The following NR2F6 variants were observed in gnomAD, a reference collection of about 807,000 sequenced individuals.
NR2F6 encodes nuclear receptor subfamily 2 group F member 6, also known as ERBA-related gene-2.
Under a neutral mutation model 26.5 loss-of-function variants are expected in NR2F6, and 16 were observed. The ratio of observed to expected loss-of-function variants is 0.60; its 90% confidence interval spans 0.41 to 0.92. NR2F6 has a LOEUF of 0.92. Ranked by LOEUF, NR2F6 falls within the 40% of genes least tolerant of loss-of-function variation. NR2F6 has a pLI of 0.00. For synonymous variants in NR2F6, 325 were observed against 305.0 expected, an observed-to-expected ratio of 1.07 and a Z score of -0.68; for missense variants, 536 against 631.7, an observed-to-expected ratio of 0.85 and a Z score of 1.62.
Position 17,235,739 on chromosome 19 carries a change from G to A in NR2F6, c.700C>T (p.Leu234=). 1 of 1,501,108 alleles carries A rather than the reference G, an allele frequency of 6.7e-7. No homozygotes were observed. The highest frequency in any genetic ancestry group is 8.8e-7 in the Non-Finnish European group (1 of 1,133,672). The allele number at this position is 1,501,108 out of a possible 1,614,324, so 93.0% of individuals were successfully genotyped here. A position where few individuals can be genotyped will look rare whatever the true frequency, so the allele number is the denominator to read the frequency against. The part of the protein sequence containing the change: ...PELPVADQVA[L]LRLSWSELFV... ...AGCTCGCTCCAGCTCAGGCGCAGCA[G>A]CGCCACCTGGTCGGCCACCGGCAGC... The change falls in exon 3 of 4, where the codon CTG becomes TTG. Residue 234 remains leucine (L), a synonymous_variant. Transcript: ENST00000291442. This position sits in a 1 kb window ranked among gnomAD's most constrained non-coding sequence, Gnocchi z 5.0.
chr19:17,239,182 C>T (rs2073455697), intron 2 of NR2F6, among the ~76,000 whole-genome samples: 1 of 150,908 alleles, frequency 6.6e-6, no homozygotes, highest in African/African-American at 2.4e-5. Context: ...ATTAAAAATA[C>T]AAAAATTAGC....
chr19:17,234,177 C>T (rs1051513811), intron 3 of NR2F6, among the ~76,000 whole-genome samples: 2 of 149,404 alleles, frequency 1.3e-5, no homozygotes, highest in African/African-American at 2.5e-5. Flanking sequence ...GAGCCGAGAT[C>T]GTGCTACTGC....
chr19:17,243,077 C>G lies in NR2F6; in HGVS notation c.278+1866G>C, dbSNP rs368619837. Among the ~76,000 whole-genome samples the G allele has an allele frequency of 6.6e-5, 10 of 152,214 alleles. No homozygotes were observed. The East Asian group carries it at 1.3e-3, about 21-fold the overall frequency. On this transcript the variant is annotated intron_variant, in intron 1 of 3. Transcript: ENST00000291442. ...TCCCCCTCTTACAGCACAGCTCCCCCAGTCTGCCACTAAGTGTTTTGTCTG... is the reference window on the plus strand; with the variant it reads ...TCCCCCTCTTACAGCACAGCTCCCCGAGTCTGCCACTAAGTGTTTTGTCTG...
Position 17,235,642 on chromosome 19 carries a change from T to C in NR2F6, c.797A>G (p.His266Arg). The C allele has an allele frequency of 6.5e-7, 1 of 1,533,904 alleles. No homozygotes were observed. The highest frequency in any genetic ancestry group is 8.7e-7 in the Non-Finnish European group (1 of 1,148,294). Residue 266 changes from histidine to arginine, a missense_variant, in exon 3 of 4, where the codon CAC becomes CGC. By Grantham distance (29) the His-to-Arg change is conservative. Transcript: ENST00000291442. This position sits in a 1 kb window ranked among gnomAD's most constrained non-coding sequence, Gnocchi z 5.0. ...TAPLLAAAGL[H>R]AAPMAAERAV... ...GCGCTCGGCGGCCATAGGCGCGGCG[T>C]GGAGGCCGGCGGCGGCCAGTAGCGG...
intron 1 of NR2F6, among the ~76,000 whole-genome samples, chr19:17,242,953 T>G (rs916846256): frequency 6.6e-6 from 1 of 152,190 alleles, no homozygotes; most frequent in African/African-American, 2.4e-5. Context: ...TCCAATTTGA[T>G]CAGAGCCCTC....
At chr19:17,237,471 G>A (rs2073445798) in intron 2 of NR2F6, among the ~76,000 whole-genome samples, 1 of 151,422 alleles carries the variant, frequency 6.6e-6, no homozygotes, top group East Asian at 1.9e-4. Context: ...GAGTGCAGTG[G>A]CACAATCTCA....
At chr19:17,238,748 T>G (rs2073452686) in intron 2 of NR2F6, among the ~76,000 whole-genome samples, 1 of 152,016 alleles carries the variant, frequency 6.6e-6, no homozygotes, top group African/African-American at 2.4e-5. Flanking sequence ...TCTCTCAGCT[T>G]CTCCCACCAA....
chr19:17,244,747 C>G (rs1247688366), intron 1 of NR2F6, among the ~76,000 whole-genome samples, 196 bp downstream of exon 1: 3 of 152,346 alleles, frequency 2.0e-5, no homozygotes, highest in South Asian at 4.1e-4. Context: ...GGGGGGGAAC[C>G]TGCAACGATG....
chr19:17,232,378 T>A lies in NR2F6; in HGVS notation c.1189A>T (p.Asn397Tyr), dbSNP rs199676791. The A allele has an allele frequency of 2.2e-5, 35 of 1,613,824 alleles. No individual in the cohort carries two copies. Among genetic ancestry groups the A allele is most frequent in the Non-Finnish European group, 2.8e-5 (33 of 1,180,012 alleles). ...CACTGGCCCGAGCCGTAGGGCCAGT[T>A]GAAGGTACTCCCCGACAGCAGCATG... ...RDMLLSGSTF[N>Y]WPYGSGQ The change falls in exon 4 of 4, where the codon AAC (asparagine) becomes TAC (tyrosine). Residue 397 changes from asparagine (N) to tyrosine (Y), a missense_variant. Transcript: ENST00000291442.
At position 17,235,800 on chromosome 19, in the gene NR2F6, G is replaced by T; in HGVS notation, c.639C>A (p.Thr213=). Residue 213 remains threonine, a synonymous_variant, in exon 3 of 4, where the codon ACC becomes ACA. Coordinates refer to ENST00000291442, the MANE Select transcript of NR2F6 (RefSeq NM_005234.4). This position sits in a 1 kb window ranked among gnomAD's most constrained non-coding sequence, Gnocchi z 5.0. The stretch of plus-strand genomic sequence containing the variant: ...AGGGCGCGTGGCGCGCCCACTCCAC[G>T]GTGCTGAAGAGCAGCCGCGCCGCCA... The part of the protein sequence containing the change: ...CELAARLLFS[T]VEWARHAPFF... 1 of 1,480,338 alleles carries T rather than the reference G, an allele frequency of 6.8e-7. No individual in the cohort carries two copies. Among genetic ancestry groups the T allele is most frequent in the South Asian group, 1.3e-5 (1 of 78,418 alleles). The allele number at this position is 1,480,338 out of a possible 1,614,324, so 91.7% of individuals were successfully genotyped here. A position where few individuals can be genotyped will look rare whatever the true frequency, so the allele number is the denominator to read the frequency against.
rs1359947308 is a variant in NR2F6 at position 17,232,504 on chromosome 19, G to A, written c.1063C>T (p.Leu355=). The A allele has an allele frequency of 1.2e-6, 2 of 1,611,710 alleles. No homozygotes were observed. The highest frequency in any genetic ancestry group is 1.1e-5 in the South Asian group (1 of 90,946). The change falls in exon 4 of 4, where the codon CTG becomes TTG. Residue 355 remains leucine (L), a synonymous_variant. Transcript: ENST00000291442. ...ACCGCGCGCAGGGCGGGGAGCCGCA[G>A]CAGCAGGCGCCCGAAGCGCTGGGGC... is the stretch of plus-strand genomic sequence containing the variant. The part of the protein sequence containing the change: ...SQPQRFGRLL[L]RLPALRAVPA...
chr19:17,235,494 C>T lies in NR2F6; in HGVS notation c.940+5G>A. 1 of 1,580,772 alleles carries T rather than the reference C, an allele frequency of 6.3e-7. No homozygotes were observed. Among genetic ancestry groups the T allele is most frequent in the Non-Finnish European group, 8.5e-7 (1 of 1,169,910 alleles). ...TCCCGCGGCCCTCTTCGGAGCGTGG[C>T]TCACCGGGCGTGAAGAGCGCGATGG... is the stretch of plus-strand genomic sequence containing the variant. On this transcript the variant is annotated splice_donor_5th_base_variant and intron_variant, in intron 3 of 3. Coordinates refer to ENST00000291442, the MANE Select transcript of NR2F6 (RefSeq NM_005234.4). This position sits in a 1 kb window ranked among gnomAD's most constrained non-coding sequence, Gnocchi z 5.0.
intron 3 of NR2F6, 94 bp from the exon 4 acceptor site, chr19:17,232,720 T>A: frequency 7.1e-7 from 1 of 1,414,286 alleles, no homozygotes; most frequent in Non-Finnish European, 9.4e-7. Context: ...CCACTGTGGG[T>A]AAGAACAGGG....
chr19:17,242,700 G>A (rs950196667), intron 1 of NR2F6, among the ~76,000 whole-genome samples: 3 of 152,218 alleles, frequency 2.0e-5, no homozygotes, highest in South Asian at 2.1e-4. Context: ...GGGCAGCCGG[G>A]TGGAAACGGC....
chr19:17,244,523 C>G (rs962497067), intron 1 of NR2F6: 2 of 184,172 alleles, frequency 1.1e-5, no homozygotes, highest in African/African-American at 4.8e-5. Context: ...GGCCCCTGGA[C>G]GCTGCGAGCT....
intron 3 of NR2F6, among the ~76,000 whole-genome samples, chr19:17,233,244 G>A (rs1201377472): frequency 1.3e-5 from 2 of 151,564 alleles, no homozygotes; most frequent in Non-Finnish European, 2.9e-5. Context: ...TTGAGCCTAG[G>A]AGTTTGAGGC....
intron 2 of NR2F6, 69 bp downstream of exon 2, chr19:17,240,602 A>C: frequency 6.6e-7 from 1 of 1,507,598 alleles, no homozygotes; most frequent in Non-Finnish European, 9.2e-7. Context: ...AAGGGGAGGA[A>C]GAAGCTGTTT....
Position 17,232,481 on chromosome 19 carries a change from C to T in NR2F6, c.1086G>A (p.Ala362=), listed in dbSNP as rs749742648. Residue 362 remains alanine, a synonymous_variant, in exon 4 of 4, where the codon GCG becomes GCA. Coordinates refer to ENST00000291442, the MANE Select transcript of NR2F6 (RefSeq NM_005234.4). The part of the protein sequence containing the change: ...RLLLRLPALR[A]VPASLISQLF... ...GCTGGGAGATGAGGGAGGCAGGGAC[C>T]GCGCGCAGGGCGGGGAGCCGCAGCA... 14 of 1,612,986 alleles carry T rather than the reference C, an allele frequency of 8.7e-6. No homozygotes were observed. Among genetic ancestry groups the T allele is most frequent in the Admixed American group, 1.7e-5 (1 of 59,950 alleles).
intron 2 of NR2F6, among the ~76,000 whole-genome samples, chr19:17,239,916 A>T (rs978697719): frequency 6.6e-6 from 1 of 152,194 alleles, no homozygotes; most frequent in Non-Finnish European, 1.5e-5. Flanking sequence ...AGCCTGGCCC[A>T]CGACACAGTC....
Sources: gnomAD v4.1 joint callset for allele counts (sites outside exome capture counted in the v4.1 genomes callset) on GRCh38, gnomAD v4.1.1 for gene constraint, Gnocchi (gnomAD v3.1) non-coding constraint, MANE v1.5 for transcripts, NCBI Gene and HGNC (gene_info 2026-07-23, HGNC 2026-07-21) for gene names.